Variants in OSBPL1A observed in about 807,000 individuals in gnomAD.
OSBPL1A encodes oxysterol-binding protein-related protein 1.
In OSBPL1A, 80 loss-of-function variants were observed where a neutral mutation model predicts 137.1. The observed-to-expected ratio is 0.58, with a 90% confidence interval of 0.49 to 0.70. The LOEUF is 0.70. Among genes scored for constraint, OSBPL1A ranks in the 30% least tolerant of loss-of-function variants. The probability of loss-of-function intolerance (pLI) is 0.00; values close to 1 mark genes in which losing one functional copy is unlikely to be tolerated. For synonymous variants in OSBPL1A, 365 were observed against 389.7 expected (o/e 0.94, Z 0.75); for missense variants, 970 against 1,129.4 (o/e 0.86, Z 2.02).
intron 17 of OSBPL1A, among the ~76,000 whole-genome samples, chr18:24,198,443 T>C (rs2087103341): frequency 6.6e-6 from 1 of 152,154 alleles, no homozygotes; most frequent in Non-Finnish European, 1.5e-5. Flanking sequence ...TCATTACTCA[T>C]TTATAAGGAA....
intron 7 of OSBPL1A, among the ~76,000 whole-genome samples, chr18:24,329,583 G>GC (rs1189265367): frequency 6.6e-6 from 1 of 150,840 alleles, no homozygotes; most frequent in Non-Finnish European, 1.5e-5. Flanking sequence ...TGATCTGCTA[G>GC]CCTTATGTAA....
chr18:24,315,642 A>G (rs2146118061), intron 11 of OSBPL1A, among the ~76,000 whole-genome samples: 1 of 131,536 alleles, frequency 7.6e-6, no homozygotes, highest in South Asian at 2.2e-4. Context: ...TATATTATAT[A>G]GTAAAATATA....
intron 16 of OSBPL1A, among the ~76,000 whole-genome samples, chr18:24,237,854 C>T (rs1179653102): frequency 6.6e-6 from 1 of 152,154 alleles, no homozygotes; most frequent in East Asian, 1.9e-4. Flanking sequence ...GTCACTCATT[C>T]CATCGATCTC....
intron 15 of OSBPL1A, among the ~76,000 whole-genome samples, chr18:24,254,026 A>C (rs996812565): frequency 1.3e-5 from 2 of 152,218 alleles, no homozygotes; most frequent in Admixed American, 6.5e-5. Context: ...ATTCCTTCCC[A>C]AAGTTAGTCT....
At chr18:24,195,151 A>C (rs1272515579) in intron 18 of OSBPL1A, among the ~76,000 whole-genome samples, 1 of 152,010 alleles carries the variant, frequency 6.6e-6, no homozygotes, top group Non-Finnish European at 1.5e-5. Flanking sequence ...ATACAAAAAA[A>C]TTAGCCAGGT....
chr18:24,359,095 G>T (rs2091582194), intron 4 of OSBPL1A, among the ~76,000 whole-genome samples: 1 of 151,962 alleles, frequency 6.6e-6, no homozygotes, highest in African/African-American at 2.4e-5. Flanking sequence ...GCACATGCCT[G>T]TGGTCCTAAT....
intron 1 of OSBPL1A, among the ~76,000 whole-genome samples, chr18:24,387,362 A>AT (rs1315076217): frequency 2.0e-4 from 30 of 152,042 alleles, no homozygotes; most frequent in Middle Eastern, 3.4e-3. Flanking sequence ...GCCCAAAAAT[A>AT]TTTTTTTATA....
intron 14 of OSBPL1A, among the ~76,000 whole-genome samples, chr18:24,282,593 C>T (rs960774405): frequency 5.9e-5 from 9 of 152,098 alleles, no homozygotes; most frequent in African/African-American, 2.2e-4. Flanking sequence ...GAGGAAGGTG[C>T]AAAGTGCATA....
chr18:24,394,986 G>C (rs926229922), intron 1 of OSBPL1A, among the ~76,000 whole-genome samples: 2 of 152,186 alleles, frequency 1.3e-5, no homozygotes, highest in African/African-American at 2.4e-5. Context: ...TAGTGGCAGA[G>C]GCCACGTGAG....
In OSBPL1A at chr18:24,175,998, A is replaced by T. The variant is rs188275206; in HGVS notation, c.2093+2015T>A. 5.9e-5 allele frequency among the ~76,000 whole-genome samples: 9 copies of T among 152,320 alleles called. No individual in the cohort carries two copies. In the East Asian group the frequency reaches 1.7e-3, roughly 29 times the overall value. On this transcript the variant is annotated intron_variant, in intron 21 of 27. Transcript: ENST00000319481. ...ATTCCCTTCCCCGTCGCATTAATCTATACTTTGTCTATAGTTTGGCCACCA... is the reference window on the plus strand; with the variant it reads ...ATTCCCTTCCCCGTCGCATTAATCTTTACTTTGTCTATAGTTTGGCCACCA...
intron 19 of OSBPL1A, among the ~76,000 whole-genome samples, chr18:24,180,453 T>G (rs2086571769): frequency 8.1e-6 from 1 of 123,422 alleles, no homozygotes; most frequent in Non-Finnish European, 1.7e-5. Context: ...CAAACATATT[T>G]TTCTATTTTG....
chr18:24,261,157 A>G (rs2089437286), intron 15 of OSBPL1A, among the ~76,000 whole-genome samples: 1 of 152,166 alleles, frequency 6.6e-6, no homozygotes, highest in African/African-American at 2.4e-5. Flanking sequence ...CCCGCCCCCA[A>G]AAGTGCATAC....
rs139979301 is a variant in OSBPL1A, at chr18:24,393,716, G to A, written c.-3+3939C>T. 1.2e-3 allele frequency among the ~76,000 whole-genome samples: 186 copies of A among 152,306 alleles called. 3 individuals are homozygous for A. In the East Asian group the frequency reaches 0.033, roughly 27 times the overall value. On this transcript the variant is annotated intron_variant, in intron 1 of 27. Transcript: ENST00000319481. ...GATCCGCCCATCTCGGCCTCCCAAA[G>A]TGCTGGGATTACAGGTGTGAGCCAC...
chr18:24,233,637 CTCTT>C (rs1307792404), intron 16 of OSBPL1A, among the ~76,000 whole-genome samples: 7 of 151,858 alleles, frequency 4.6e-5, no homozygotes, highest in Non-Finnish European at 8.8e-5. Flanking sequence ...CTTTCTTTCT[CTCTT>C]TCTCTCTCTC....
chr18:24,168,476 C>T (rs769192878), intron 24 of OSBPL1A, among the ~76,000 whole-genome samples: 5 of 152,184 alleles, frequency 3.3e-5, no homozygotes, highest in African/African-American at 7.2e-5. Context: ...AGCATTTCCT[C>T]GGGCTCCCCT....
chr18:24,233,009 G>T (rs1230402495), intron 16 of OSBPL1A, among the ~76,000 whole-genome samples: 2 of 152,210 alleles, frequency 1.3e-5, no homozygotes, highest in Non-Finnish European at 2.9e-5. Flanking sequence ...GGAACGCTTA[G>T]CAAGAAAGCC....
At chr18:24,392,680 T>C (rs908986314) in intron 1 of OSBPL1A, among the ~76,000 whole-genome samples, 1 of 152,222 alleles carries the variant, frequency 6.6e-6, no homozygotes, top group Non-Finnish European at 1.5e-5. Context: ...TGCTTAGCCC[T>C]GCGCTCCAAA....
At chr18:24,354,748 C>CAAAAAAAAAAAAAAAAAAAA (rs59694707) in intron 4 of OSBPL1A, among the ~76,000 whole-genome samples, 16 of 77,068 alleles carry the variant, frequency 2.1e-4, no homozygotes, top group East Asian at 5.2e-4. Context: ...CTCAATATAG[C>CAAAAAAAAAAAAAAAAAAAA]AAAAAAAAAA....
chr18:24,189,984 A>G (rs9304446), intron 18 of OSBPL1A, among the ~76,000 whole-genome samples: 139,129 of 152,348 alleles, frequency 0.91, 63,580 homozygotes, highest in East Asian at 1. Context: ...AGTGCAACCA[A>G]TGAGAAAACG....
Sources: gnomAD v4.1 joint callset for allele counts (sites outside exome capture counted in the v4.1 genomes callset) on GRCh38, gnomAD v4.1.1 for gene constraint, MANE v1.5 for transcripts, NCBI Gene and HGNC (gene_info 2026-07-23, HGNC 2026-07-21) for gene names.